Variants in ST8SIA1 observed in about 807,000 individuals in gnomAD.
ST8SIA1 encodes alpha-N-acetylneuraminide alpha-2,8-sialyltransferase.
ST8SIA1 carries 16 observed loss-of-function variants against 35.9 expected under a neutral mutation model. The observed-to-expected ratio is 0.45, with a 90% CI of 0.30 to 0.68. The LOEUF (loss-of-function observed/expected upper bound fraction) is 0.68, where lower values mean the gene tolerates loss of function less well. Ranked by LOEUF, ST8SIA1 falls within the 30% of genes least tolerant of loss-of-function variation. The pLI is 0.09. For missense variants in ST8SIA1, 383 were observed against 453.6 expected (o/e 0.84, Z 1.41); for synonymous variants, 170 against 169.6 (o/e 1.00, Z -0.02).
intron 4 of ST8SIA1, among the ~76,000 whole-genome samples, chr12:22,247,836 T>C (rs145595377): frequency 1.3e-5 from 2 of 152,188 alleles, no homozygotes; most frequent in South Asian, 2.1e-4. Context: ...ATCCATAATA[T>C]AGAGTTCCTA....
intron 4 of ST8SIA1, among the ~76,000 whole-genome samples, chr12:22,220,755 A>G (rs1214126844): frequency 6.6e-6 from 1 of 152,154 alleles, no homozygotes; most frequent in Non-Finnish European, 1.5e-5. Context: ...CGGAAATAGT[A>G]GATCCTTATG....
At chr12:22,229,652 T>G (rs532623716) in intron 4 of ST8SIA1, among the ~76,000 whole-genome samples, 2 of 150,402 alleles carry the variant, frequency 1.3e-5, no homozygotes, top group East Asian at 3.9e-4. Context: ...AACTTCAAGG[T>G]TATCCACCAT....
intron 4 of ST8SIA1, among the ~76,000 whole-genome samples, chr12:22,235,246 A>C (rs1865464105): frequency 6.6e-6 from 1 of 152,216 alleles, no homozygotes; most frequent in Non-Finnish European, 1.5e-5. Context: ...TTATAATTCC[A>C]GTTGGAAAGA....
At chr12:22,229,286 T>C (rs1458423601) in intron 4 of ST8SIA1, among the ~76,000 whole-genome samples, 1 of 151,898 alleles carries the variant, frequency 6.6e-6, no homozygotes, top group East Asian at 1.9e-4. Context: ...TGTTTGTAGA[T>C]TAATAGATAG....
intron 1 of ST8SIA1, among the ~76,000 whole-genome samples, chr12:22,296,853 T>C (rs1441747705): frequency 6.6e-6 from 1 of 152,116 alleles, no homozygotes; most frequent in Admixed American, 6.5e-5. Context: ...GAAAATACGG[T>C]CCAGATCACA....
intron 4 of ST8SIA1, among the ~76,000 whole-genome samples, chr12:22,220,617 A>G (rs1865286557): frequency 6.6e-6 from 1 of 152,154 alleles, no homozygotes; most frequent in Admixed American, 6.5e-5. Flanking sequence ...CGGAAGAAAA[A>G]CCCTTAAATT....
At chr12:22,259,551 C>T (rs1167393881) in intron 2 of ST8SIA1, among the ~76,000 whole-genome samples, 3 of 152,018 alleles carry the variant, frequency 2.0e-5, no homozygotes, top group Admixed American at 6.6e-5. Flanking sequence ...CTGCAAGCTC[C>T]GCCTCCCAGG....
rs774709345 is a variant in ST8SIA1, at chr12:22,255,351, C to G, written c.420G>C (p.Val140=). The G allele has an allele frequency of 1.9e-6, 3 of 1,614,168 alleles. No homozygotes were observed. The South Asian group carries it at 3.3e-5, about 18-fold the overall frequency. ...TCTTCAGAATCCCACCATTTCCCACCACCGCGCATTTCTTCAATGGCAGCT... is the reference window on the plus strand; with the variant it reads ...TCTTCAGAATCCCACCATTTCCCACGACCGCGCATTTCTTCAATGGCAGCT... ...PFQLPLKKCA[V]VGNGGILKKS... is the part of the protein sequence containing the mutation. Residue 140 remains valine, a synonymous_variant, in exon 3 of 5, where the codon GTG becomes GTC. Transcript: ENST00000396037.
intron 4 of ST8SIA1, among the ~76,000 whole-genome samples, chr12:22,227,122 T>C (rs547993153): frequency 7.2e-5 from 11 of 152,068 alleles, no homozygotes; most frequent in Admixed American, 6.5e-4. Flanking sequence ...ATTTTTGTAT[T>C]TTTAGTAGAG....
chr12:22,301,147 C>A (rs765932688), intron 1 of ST8SIA1, among the ~76,000 whole-genome samples: 1 of 151,862 alleles, frequency 6.6e-6, no homozygotes, highest in Non-Finnish European at 1.5e-5. Flanking sequence ...CATCCATGGA[C>A]AATTATTGTC....
At chr12:22,208,659 A>G (rs1345070035) in intron 4 of ST8SIA1, among the ~76,000 whole-genome samples, 1 of 152,190 alleles carries the variant, frequency 6.6e-6, no homozygotes, top group East Asian at 1.9e-4. Context: ...GGTATAAATT[A>G]GTATGTATAC....
intron 1 of ST8SIA1, among the ~76,000 whole-genome samples, chr12:22,288,448 C>T (rs747800078): frequency 1.3e-5 from 2 of 152,206 alleles, no homozygotes; most frequent in African/African-American, 2.4e-5. Context: ...AAGTTCAATA[C>T]GTGGTAGGTG....
chr12:22,320,584 C>T (rs149552543), intron 1 of ST8SIA1, among the ~76,000 whole-genome samples: 2 of 152,138 alleles, frequency 1.3e-5, no homozygotes, highest in African/African-American at 4.8e-5. Flanking sequence ...GTGGCTTACA[C>T]CTGTAATCCC....
chr12:22,242,266 AT>A (rs893868623), intron 4 of ST8SIA1, among the ~76,000 whole-genome samples: 3 of 152,210 alleles, frequency 2.0e-5, no homozygotes, highest in African/African-American at 7.2e-5. Context: ...GTGGGTTTAT[AT>A]TAAATCCAAT....
intron 1 of ST8SIA1, among the ~76,000 whole-genome samples, chr12:22,302,493 T>C (rs1216820837): frequency 1.3e-5 from 2 of 152,298 alleles, no homozygotes; most frequent in South Asian, 2.1e-4. Flanking sequence ...TTTCTCTTCA[T>C]AGAGCATGAG....
At chr12:22,224,547 G>A (rs947223623) in intron 4 of ST8SIA1, among the ~76,000 whole-genome samples, 11 of 152,078 alleles carry the variant, frequency 7.2e-5, no homozygotes, top group Non-Finnish European at 1.6e-4. Context: ...TTATAAGCAT[G>A]AGCCACTGCG....
Position 22,313,745 on chromosome 12 carries a change from C to T in ST8SIA1, c.236+20252G>A, listed in dbSNP as rs77673289. Among the ~76,000 whole-genome samples the T allele has an allele frequency of 5.4e-3, 817 of 152,240 alleles. 11 individuals carry two copies. Among genetic ancestry groups the T allele is most frequent in the African/African-American group, 0.018 (752 of 41,534 alleles). On this transcript the variant is annotated intron_variant, in intron 1 of 4. Transcript: ENST00000396037. ...CAGGTACTGCTATATCTGGAACATGCCAGGAATGTCTATGGAGCCATGAGC... is the reference window on the plus strand; with the variant it reads ...CAGGTACTGCTATATCTGGAACATGTCAGGAATGTCTATGGAGCCATGAGC...
At chr12:22,333,943 T>C (rs767381265) in intron 1 of ST8SIA1, 54 bp downstream of exon 1, 3 of 1,516,742 alleles carry the variant, frequency 2.0e-6, no homozygotes, top group Non-Finnish European at 1.8e-6. Flanking sequence ...CCCTGTCCTC[T>C]GCACTCGGGG....
In ST8SIA1 at chr12:22,206,486, G is replaced by A. The variant is rs570608805; in HGVS notation, c.585-4448C>T. On this transcript the variant is annotated intron_variant, in intron 4 of 4. Transcript: ENST00000396037. ...TATCACCGTGTATGTGGAAGGACGC[G>A]TCAGTTTCCAGGTAGGAAGAGTGGG... 7.9e-5 allele frequency among the ~76,000 whole-genome samples: 12 copies of A among 152,298 alleles called. No homozygotes were observed. The East Asian group carries it at 1.5e-3, about 20-fold the overall frequency.
Sources: allele counts gnomAD v4.1 joint callset (sites outside exome capture counted in the v4.1 genomes callset), GRCh38; gene constraint gnomAD v4.1.1; transcripts MANE v1.5; gene names NCBI Gene and HGNC (gene_info 2026-07-23, HGNC 2026-07-21).